Variants in PLXDC2 observed in about 807,000 individuals in gnomAD.
PLXDC2 encodes plexin domain-containing protein 2.
PLXDC2 carries 40 observed loss-of-function variants against 68.9 expected under a neutral mutation model. The ratio of observed to expected loss-of-function variants is 0.58; its 90% CI spans 0.45 to 0.76. The LOEUF (loss-of-function observed/expected upper bound fraction) is 0.76, where lower values mean the gene tolerates loss of function less well. Among genes scored for constraint, PLXDC2 ranks in the 30% least tolerant of loss-of-function variants. The pLI is 0.00. For synonymous variants in PLXDC2, 243 were observed against 234.2 expected (o/e 1.04, Z -0.34); for missense variants, 644 against 661.9 (o/e 0.97, Z 0.30).
chr10:20,080,825 C>T (rs1405828449), intron 4 of PLXDC2, among the ~76,000 whole-genome samples: 1 of 152,226 alleles, frequency 6.6e-6, no homozygotes, highest in Non-Finnish European at 1.5e-5. Context: ...GACACAGGCA[C>T]ATCCAAAGAC....
chr10:20,266,355 T>C (rs1835871921), intron 13 of PLXDC2, among the ~76,000 whole-genome samples: 2 of 150,062 alleles, frequency 1.3e-5, no homozygotes, highest in East Asian at 1.9e-4. Context: ...ATTAATGAAA[T>C]TGTTGGGGAA....
intron 1 of PLXDC2, among the ~76,000 whole-genome samples, chr10:19,822,695 T>C (rs1836492784): frequency 6.6e-6 from 1 of 152,170 alleles, no homozygotes. Context: ...GATGATACCT[T>C]ATTGTGATTT....
intron 3 of PLXDC2, among the ~76,000 whole-genome samples, chr10:20,060,486 GT>G (rs1836081564): frequency 1.5e-5 from 1 of 68,532 alleles, no homozygotes; most frequent in African/African-American, 7.1e-5. Context: ...ATCCTGGAAT[GT>G]TAAAAAAAAA....
At chr10:19,889,766 C>T (rs533297233) in intron 1 of PLXDC2, among the ~76,000 whole-genome samples, 2 of 152,274 alleles carry the variant, frequency 1.3e-5, no homozygotes, top group African/African-American at 2.4e-5. Flanking sequence ...GAGGCCTTGA[C>T]ATTTTGTACT....
chr10:20,005,521 A>G (rs948763855), intron 2 of PLXDC2, among the ~76,000 whole-genome samples: 1 of 152,108 alleles, frequency 6.6e-6, no homozygotes, highest in Non-Finnish European at 1.5e-5. Flanking sequence ...TAAAGAGAAG[A>G]GGTTGATTTA....
intron 13 of PLXDC2, among the ~76,000 whole-genome samples, chr10:20,261,918 A>G (rs192236686): frequency 1.2e-3 from 178 of 152,336 alleles, no homozygotes; most frequent in Middle Eastern, 6.8e-3. Flanking sequence ...TTTTATCAGG[A>G]AGACATGCTT....
At chr10:19,976,609 A>G (rs893621712) in intron 1 of PLXDC2, among the ~76,000 whole-genome samples, 11 of 152,280 alleles carry the variant, frequency 7.2e-5, no homozygotes, top group African/African-American at 2.4e-4. Context: ...AAATTTCATG[A>G]TGATGTGCCC....
intron 9 of PLXDC2, among the ~76,000 whole-genome samples, chr10:20,179,103 A>G (rs1834567218): frequency 2.0e-5 from 3 of 152,248 alleles, no homozygotes; most frequent in East Asian, 3.9e-4. Flanking sequence ...CAGCTCAGAA[A>G]TGGAAAATGT....
chr10:20,149,877 A>G (rs1001754014), intron 6 of PLXDC2, among the ~76,000 whole-genome samples: 6 of 152,116 alleles, frequency 3.9e-5, no homozygotes, highest in African/African-American at 1.2e-4. Context: ...GCTGCAATTA[A>G]CATACATATG....
At chr10:20,021,007 A>G (rs1835298698) in intron 2 of PLXDC2, among the ~76,000 whole-genome samples, 1 of 152,236 alleles carries the variant, frequency 6.6e-6, no homozygotes, top group Non-Finnish European at 1.5e-5. Context: ...CTGAATAGCA[A>G]ACAACTGGTC....
At chr10:19,896,807 G>A (rs999513088) in intron 1 of PLXDC2, among the ~76,000 whole-genome samples, 3 of 152,138 alleles carry the variant, frequency 2.0e-5, no homozygotes, top group Admixed American at 6.5e-5. Context: ...ACTTATTTGG[G>A]TCTTTGGTCA....
At chr10:19,940,956 C>T (rs1044152722) in intron 1 of PLXDC2, among the ~76,000 whole-genome samples, 4 of 151,988 alleles carry the variant, frequency 2.6e-5, no homozygotes, top group Non-Finnish European at 5.9e-5. Flanking sequence ...TACTTGCAGA[C>T]CTAAAGAATT....
At chr10:19,943,661 C>T (rs1833855251) in intron 1 of PLXDC2, among the ~76,000 whole-genome samples, 1 of 152,170 alleles carries the variant, frequency 6.6e-6, no homozygotes, top group African/African-American at 2.4e-5. Context: ...AATATTTTTC[C>T]CTTTTCCCTT....
intron 1 of PLXDC2, among the ~76,000 whole-genome samples, chr10:19,880,868 CTT>C (rs898436811): frequency 1.3e-5 from 2 of 152,160 alleles, no homozygotes; most frequent in Non-Finnish European, 2.9e-5. Flanking sequence ...ATAAAAATAA[CTT>C]TGCATGTTTT....
chr10:20,058,571 T>C (rs1836043425), intron 3 of PLXDC2, among the ~76,000 whole-genome samples: 2 of 152,218 alleles, frequency 1.3e-5, no homozygotes. Context: ...TAATAATTAT[T>C]ATGCAAACAC....
rs556487517 is a variant in PLXDC2, at chr10:20,118,289, T to C, written c.542-25006T>C. On this transcript the variant is annotated intron_variant, in intron 4 of 13. Transcript: ENST00000377252. Reference sequence around the variant, plus strand: ...GAAGTACAAAGAGTGAATTGCAATATGAATATGCAACCAGGTCAATGCTCT... The same window carrying C: ...GAAGTACAAAGAGTGAATTGCAATACGAATATGCAACCAGGTCAATGCTCT... 2.3e-4 allele frequency among the ~76,000 whole-genome samples: 35 copies of C among 152,328 alleles called. 1 individual carries two copies. The South Asian group carries it at 6.8e-3, about 30-fold the overall frequency.
chr10:20,091,326 C>G (rs1833273338), intron 4 of PLXDC2, among the ~76,000 whole-genome samples: 1 of 152,210 alleles, frequency 6.6e-6, no homozygotes, highest in Non-Finnish European at 1.5e-5. Flanking sequence ...CTTGACTCTT[C>G]TTCTCCCTGG....
At chr10:20,242,009 G>A (rs1201719848) in intron 12 of PLXDC2, among the ~76,000 whole-genome samples, 1 of 152,122 alleles carries the variant, frequency 6.6e-6, no homozygotes, top group Non-Finnish European at 1.5e-5. Context: ...GAGAGGGATG[G>A]AGGGATGGAA....
At chr10:20,144,360 T>A (rs535730766) in intron 5 of PLXDC2, among the ~76,000 whole-genome samples, 6 of 152,146 alleles carry the variant, frequency 3.9e-5, no homozygotes, top group Non-Finnish European at 8.8e-5. Flanking sequence ...TGGAGAAATA[T>A]GATCACTTTG....
Sources: allele counts gnomAD v4.1 joint callset (sites outside exome capture counted in the v4.1 genomes callset), GRCh38; gene constraint gnomAD v4.1.1; transcripts MANE v1.5; gene names NCBI Gene and HGNC (gene_info 2026-07-23, HGNC 2026-07-21).